Variants in RYR2 observed in about 807,000 individuals in gnomAD.
RYR2 encodes cardiac muscle ryanodine receptor-calcium release channel.
RYR2 carries 227 observed loss-of-function variants against 601.1 expected under a neutral mutation model. The ratio of observed to expected loss-of-function variants is 0.38; its 90% CI spans 0.34 to 0.42. RYR2 has a LOEUF of 0.42. Among genes scored for constraint, RYR2 ranks in the 10% least tolerant of loss-of-function variants. The pLI, the probability that RYR2 is intolerant of heterozygous loss-of-function variation, is 1.00. For missense variants in RYR2, 4,646 were observed against 6,156.5 expected, an observed-to-expected ratio of 0.75 and a Z score of 8.21; for synonymous variants, 2,223 against 2,175.1, an observed-to-expected ratio of 1.02 and a Z score of -0.61.
intron 1 of RYR2, among the ~76,000 whole-genome samples, chr1:237,255,615 C>T (rs896485661): frequency 6.6e-6 from 1 of 152,132 alleles, no homozygotes; most frequent in African/African-American, 2.4e-5. Flanking sequence ...AGATGACATT[C>T]ATGAGGGCAG....
At chr1:237,191,371 T>C (rs1392985068) in intron 1 of RYR2, among the ~76,000 whole-genome samples, 3 of 152,144 alleles carry the variant, frequency 2.0e-5, no homozygotes, top group Non-Finnish European at 4.4e-5. Flanking sequence ...TTTTTCAATA[T>C]TTTTTGGCTA....
intron 6 of RYR2, among the ~76,000 whole-genome samples, chr1:237,373,554 C>T (rs969055531): frequency 1.3e-5 from 2 of 152,218 alleles, no homozygotes; most frequent in South Asian, 2.1e-4. Context: ...CTACCACATT[C>T]GTCTTTGTAT....
chr1:237,792,072 C>G (rs776140202), intron 93 of RYR2, 33 bp from the exon 94 acceptor site: 20 of 1,487,506 alleles, frequency 1.3e-5, no homozygotes, highest in Non-Finnish European at 1.7e-5. Flanking sequence ...TTAGATGCAG[C>G]AAACTGACTC....
chr1:237,442,266 G>C (rs1707978029), intron 13 of RYR2, among the ~76,000 whole-genome samples: 1 of 152,016 alleles, frequency 6.6e-6, no homozygotes, highest in South Asian at 2.1e-4. Flanking sequence ...AATGACGTTT[G>C]GTCATGGTTC....
chr1:237,132,187 C>T (rs1455957761), intron 1 of RYR2, among the ~76,000 whole-genome samples: 1 of 152,204 alleles, frequency 6.6e-6, no homozygotes, highest in African/African-American at 2.4e-5. Flanking sequence ...CTGAAGGAAA[C>T]TATTCACTAT....
At chr1:237,667,403 C>G (rs1484345648) in intron 57 of RYR2, among the ~76,000 whole-genome samples, 1 of 152,148 alleles carries the variant, frequency 6.6e-6, no homozygotes, top group Non-Finnish European at 1.5e-5. Flanking sequence ...GGGAGGTAAT[C>G]TTATCAAAAC....
intron 10 of RYR2, among the ~76,000 whole-genome samples, chr1:237,393,952 G>C (rs991756302): frequency 6.6e-6 from 1 of 152,150 alleles, no homozygotes; most frequent in Non-Finnish European, 1.5e-5. Context: ...AATTTGAGCT[G>C]TTGGATCTTG....
intron 10 of RYR2, among the ~76,000 whole-genome samples, chr1:237,392,737 A>T (rs1404753404): frequency 6.6e-6 from 1 of 152,200 alleles, no homozygotes; most frequent in Non-Finnish European, 1.5e-5. Context: ...GATACATTTT[A>T]AAATGGATGC....
intron 1 of RYR2, among the ~76,000 whole-genome samples, chr1:237,077,447 G>T (rs1665109763): frequency 7.5e-6 from 1 of 133,556 alleles, no homozygotes; most frequent in African/African-American, 2.6e-5. Context: ...TAAGCCAATG[G>T]AAAACAAAAA....
Position 237,259,584 on chromosome 1 carries a change from C to T in RYR2, c.49-10913C>T, listed in dbSNP as rs1195118311. Among the ~76,000 whole-genome samples the T allele has an allele frequency of 2.0e-5, 3 of 150,292 alleles. No homozygotes were observed. The South Asian group carries it at 6.3e-4, about 31-fold the overall frequency. On this transcript the variant is annotated intron_variant, in intron 1 of 104. Coordinates refer to ENST00000366574, the MANE Select transcript of RYR2 (RefSeq NM_001035.3). ...GTCACCTTGTATAAAACCACACACA[C>T]AGCATAAATAGTTAAGCCTACTAAT...
At chr1:237,299,734 C>A (rs1473689556) in intron 2 of RYR2, among the ~76,000 whole-genome samples, 1 of 152,090 alleles carries the variant, frequency 6.6e-6, no homozygotes, top group African/African-American at 2.4e-5. Flanking sequence ...CTCCTAGGGG[C>A]TTTTAGGAGA....
At position 237,454,500 on chromosome 1, in the gene RYR2, G is replaced by A. The variant is rs1234665242; in HGVS notation, c.1402G>A (p.Glu468Lys). 6.2e-7 allele frequency: 1 copy of A among 1,613,402 alleles called. No homozygotes were observed. The highest frequency in any genetic ancestry group is 8.5e-7 in the Non-Finnish European group (1 of 1,179,684). ...CATTGGCTACTTCCACCCCCCAGAT[G>A]AGCATTTAGAGCATGAAGACAAACA... Reference protein sequence around the residue: ...DLIGYFHPPDEHLEHEDKQNR... With the variant: ...DLIGYFHPPDKHLEHEDKQNR... The change falls in exon 15 of 105, where the codon GAG (glutamate) becomes AAG (lysine). Residue 468 changes from glutamate to lysine, a missense_variant. Transcript: ENST00000366574.
chr1:237,556,185 T>A (rs1670853893), intron 27 of RYR2, among the ~76,000 whole-genome samples: 1 of 151,988 alleles, frequency 6.6e-6, no homozygotes, highest in African/African-American at 2.4e-5. Flanking sequence ...ATTATGTGAA[T>A]TTTAAGAAGA....
chr1:237,342,810 C>A (rs1214953541), intron 3 of RYR2, among the ~76,000 whole-genome samples: 1 of 152,166 alleles, frequency 6.6e-6, no homozygotes, highest in Non-Finnish European at 1.5e-5. Flanking sequence ...CAAGAACACA[C>A]AGAATGGGCC....
intron 1 of RYR2, among the ~76,000 whole-genome samples, chr1:237,153,938 C>T (rs1675019466): frequency 6.6e-6 from 1 of 152,014 alleles, no homozygotes; most frequent in African/African-American, 2.4e-5. Flanking sequence ...GTACTCATGA[C>T]TTTCAAAAAT....
rs148149686 is a variant in RYR2, at chr1:237,541,868, G to A, written c.2907-6563G>A. ...AATGTCATCACTTAAGACAAGGACC[G>A]GCCATTTTCACTTCTTTTGTGGTGG... On this transcript the variant is annotated intron_variant, in intron 25 of 104. Transcript: ENST00000366574. Among the ~76,000 whole-genome samples the A allele has an allele frequency of 2.6e-3, 401 of 152,074 alleles. 8 individuals are homozygous for A. The East Asian group carries it at 0.062, about 23-fold the overall frequency.
intron 28 of RYR2, among the ~76,000 whole-genome samples, chr1:237,567,010 T>C (rs765933125): frequency 6.6e-6 from 1 of 152,184 alleles, no homozygotes; most frequent in Non-Finnish European, 1.5e-5. Flanking sequence ...AGATAAATCA[T>C]CTTTGTCTAT....
intron 60 of RYR2, among the ~76,000 whole-genome samples, chr1:237,675,220 A>G (rs1389395275): frequency 2.0e-5 from 3 of 152,160 alleles, no homozygotes; most frequent in Non-Finnish European, 4.4e-5. Context: ...CAAAATTTCT[A>G]AACACTATAG....
At chr1:237,705,902 A>G (rs539236487) in intron 67 of RYR2, among the ~76,000 whole-genome samples, 6 of 152,320 alleles carry the variant, frequency 3.9e-5, no homozygotes, top group African/African-American at 1.2e-4. Context: ...TGAACATGCA[A>G]ACCAAAAAAG....
Sources: allele counts gnomAD v4.1 joint callset (sites outside exome capture counted in the v4.1 genomes callset), GRCh38; gene constraint gnomAD v4.1.1; transcripts MANE v1.5; gene names NCBI Gene and HGNC (gene_info 2026-07-23, HGNC 2026-07-21).